Variants in FOCAD observed in about 807,000 individuals in gnomAD.
FOCAD encodes the protein KIAA1797.
Under a neutral mutation model 225.6 loss-of-function variants are expected in FOCAD, and 198 were observed. The ratio of observed to expected loss-of-function variants is 0.88; its 90% CI spans 0.78 to 0.99. The LOEUF (loss-of-function observed/expected upper bound fraction) is 0.99, where lower values mean the gene tolerates loss of function less well. FOCAD is among the 50% of genes least tolerant of loss of function. The pLI, the probability that FOCAD is intolerant of heterozygous loss-of-function variation, is 0.00. For synonymous variants in FOCAD, 897 were observed against 755.0 expected (o/e 1.19, Z -3.08); for missense variants, 2,713 against 2,123.6 (o/e 1.28, Z -5.46).
At chr9:20,745,806 G>T (rs1827993764) in intron 5 of FOCAD, among the ~76,000 whole-genome samples, 1 of 152,160 alleles carries the variant, frequency 6.6e-6, no homozygotes, top group African/African-American at 2.4e-5. Context: ...TGAAATAAGG[G>T]AATATTAAAT....
Position 20,735,330 on chromosome 9 carries a change from T to C in FOCAD, c.288-4906T>C, listed in dbSNP as rs560044140. ...ATTTTTCTTTTTGTTATTTTTTACA[T>C]TTTTTCTCCATAAATTCTTTCAAAG... On this transcript the variant is annotated intron_variant, in intron 4 of 43. Transcript: ENST00000338382. 4.0e-5 allele frequency among the ~76,000 whole-genome samples: 5 copies of C among 126,464 alleles called. 1 individual carries two copies. In the Admixed American group the frequency reaches 4.0e-4, roughly 10 times the overall value. The allele number at this position is 126,464 out of a possible 152,430, so 83.0% of individuals were successfully genotyped here.
intron 34 of FOCAD, among the ~76,000 whole-genome samples, chr9:20,952,165 C>A (rs1206164770): frequency 1.3e-5 from 2 of 152,242 alleles, no homozygotes; most frequent in East Asian, 3.9e-4. Flanking sequence ...ATATTTATGG[C>A]AGGCTTTTAT....
intron 23 of FOCAD, among the ~76,000 whole-genome samples, chr9:20,915,686 G>C (rs1356879062): frequency 6.6e-6 from 1 of 152,130 alleles, no homozygotes; most frequent in African/African-American, 2.4e-5. Flanking sequence ...GCAATAGCTG[G>C]TGGGCTTGTT....
chr9:20,693,247 G>T (rs1198071760), intron 1 of FOCAD, among the ~76,000 whole-genome samples: 1 of 152,166 alleles, frequency 6.6e-6, no homozygotes, highest in Non-Finnish European at 1.5e-5. Flanking sequence ...CCATGGCATT[G>T]GCACTGCTAC....
chr9:20,743,671 C>T (rs1827808975), intron 5 of FOCAD, among the ~76,000 whole-genome samples: 1 of 152,166 alleles, frequency 6.6e-6, no homozygotes, highest in African/African-American at 2.4e-5. Context: ...AAAAGTACAG[C>T]TTCTGAATCC....
intron 7 of FOCAD, among the ~76,000 whole-genome samples, chr9:20,766,183 T>A (rs1359657729): frequency 6.6e-6 from 1 of 152,212 alleles, no homozygotes; most frequent in Non-Finnish European, 1.5e-5. Flanking sequence ...GTTGACAGGC[T>A]TAAATGCTTT....
rs751115628 is a variant in FOCAD, at chr9:20,953,008, C to A, written c.4075C>A (p.Pro1359Thr). The change falls in exon 35 of 44, where the codon CCT becomes ACT. Residue 1359 changes from proline to threonine, a missense_variant. Transcript: ENST00000338382. Reference sequence around the variant, plus strand: ...AGTTCCTACTGACTATAGCTACTTGCCTGAAAGCAGTTTTATTGGAGCAGC... The same window carrying A: ...AGTTCCTACTGACTATAGCTACTTGACTGAAAGCAGTTTTATTGGAGCAGC... ...ASVPTDYSYLPESSFIGAAIG... is the reference protein window; with the variant it reads ...ASVPTDYSYLTESSFIGAAIG... The A allele has an allele frequency of 6.2e-7, 1 of 1,613,548 alleles. No homozygotes were observed. The highest frequency in any genetic ancestry group is 8.5e-7 in the Non-Finnish European group (1 of 1,179,756).
intron 34 of FOCAD, among the ~76,000 whole-genome samples, 158 bp from the exon 35 acceptor site, chr9:20,952,813 CAGTCACTTAATCTA>C (rs1453946062): frequency 6.6e-6 from 1 of 152,140 alleles, no homozygotes; most frequent in Non-Finnish European, 1.5e-5. Flanking sequence ...ACTTCAAGGC[CAGTCACTTAATCTA>C]ATAGAATTAG....
chr9:20,747,880 T>C (rs923166988), intron 5 of FOCAD, among the ~76,000 whole-genome samples: 16 of 151,882 alleles, frequency 1.1e-4, no homozygotes, highest in African/African-American at 3.6e-4. Flanking sequence ...TTGTAAGTTA[T>C]TGAAAATGAA....
chr9:20,840,653 A>G (rs1055033507), intron 15 of FOCAD, among the ~76,000 whole-genome samples: 11 of 150,858 alleles, frequency 7.3e-5, no homozygotes, highest in Non-Finnish European at 1.0e-4. Flanking sequence ...TTTTTTTCCA[A>G]TATAAGATTA....
At chr9:20,790,311 T>A (rs1364757097) in intron 11 of FOCAD, among the ~76,000 whole-genome samples, 1 of 152,210 alleles carries the variant, frequency 6.6e-6, no homozygotes, top group African/African-American at 2.4e-5. Context: ...AAGGAAAGGT[T>A]TTCTAATCAA....
chr9:20,662,913 AATAAC>A (rs1478607538), intron 2 of FOCAD, among the ~76,000 whole-genome samples: 1 of 152,242 alleles, frequency 6.6e-6, no homozygotes, highest in Non-Finnish European at 1.5e-5. Flanking sequence ...GAATAATTCA[AATAAC>A]ATAATAGAAA....
intron 15 of FOCAD, among the ~76,000 whole-genome samples, chr9:20,832,460 T>C (rs1261493355): frequency 6.6e-6 from 1 of 152,040 alleles, no homozygotes; most frequent in African/African-American, 2.4e-5. Flanking sequence ...CATGAGATGT[T>C]TTGATACAGG....
chr9:20,695,857 C>T (rs755060891), intron 1 of FOCAD, among the ~76,000 whole-genome samples: 1 of 152,204 alleles, frequency 6.6e-6, no homozygotes, highest in Non-Finnish European at 1.5e-5. Flanking sequence ...ATCCAATCTG[C>T]AGCTAAGCAC....
intron 1 of FOCAD, among the ~76,000 whole-genome samples, chr9:20,705,513 T>C (rs1404919784): frequency 6.6e-6 from 1 of 152,176 alleles, no homozygotes; most frequent in Non-Finnish European, 1.5e-5. Flanking sequence ...TTTAGTTAAC[T>C]GAATGGTATT....
rs1476596747 is a variant in FOCAD, at chr9:20,821,063, T to C, written c.1785T>C (p.Cys595=). 2 of 1,612,172 alleles carry C rather than the reference T, an allele frequency of 1.2e-6. No homozygotes were observed. Among genetic ancestry groups the C allele is most frequent in the East Asian group, 4.5e-5 (2 of 44,830 alleles). Residue 595 remains cysteine (C), a synonymous_variant, in exon 14 of 44, where the codon TGT becomes TGC. Transcript: ENST00000338382. ...IAKAASIRDI[C]KQRPYQHGAD... ...AAGCAGCATCAATCAGAGATATATG[T>C]AAGCAGAGGTATGATGTCATTAACT...
chr9:20,903,032 A>G (rs1246072942), intron 21 of FOCAD, among the ~76,000 whole-genome samples: 1 of 151,926 alleles, frequency 6.6e-6, no homozygotes, highest in East Asian at 1.9e-4. Context: ...TTTACTGTCT[A>G]GTTGTATGAA....
At chr9:20,952,843 G>A (rs1452131998) in intron 34 of FOCAD, 142 bp from the exon 35 acceptor site, 1 of 681,306 alleles carries the variant, frequency 1.5e-6, no homozygotes, top group Non-Finnish European at 2.6e-6. Flanking sequence ...ATTAGTTGCA[G>A]CCACAAAGTG....
At position 20,990,200 on chromosome 9, in the gene FOCAD, C is replaced by T. The variant is rs759539882; in HGVS notation, c.5082C>T (p.Gly1694=). 6.8e-6 allele frequency: 11 copies of T among 1,614,098 alleles called. No homozygotes were observed. Among genetic ancestry groups the T allele is most frequent in the Non-Finnish European group, 9.3e-6 (11 of 1,180,042 alleles). ...ACCACACTGCCCCTCTCCTCCTCGG[C>T]CTCAGTGCCAGTTGGTTGCCATGGC... The part of the protein sequence containing the change: ...WADHTAPLLL[G]LSASWLPWHQ... The change falls in exon 42 of 44, where the codon GGC becomes GGT. Residue 1694 remains glycine (G), a synonymous_variant. Transcript: ENST00000338382.
Sources: allele counts gnomAD v4.1 joint callset (sites outside exome capture counted in the v4.1 genomes callset), GRCh38; gene constraint gnomAD v4.1.1; transcripts MANE v1.5; gene names NCBI Gene and HGNC (gene_info 2026-07-23, HGNC 2026-07-21).